The following TSPEAR variants were observed in gnomAD, a reference collection of about 807,000 sequenced individuals.
TSPEAR encodes thrombospondin type laminin G domain and EAR repeats.
TSPEAR carries 69 observed loss-of-function variants against 71.6 expected under a neutral mutation model. That is an observed-to-expected ratio of 0.96 (90% CI 0.79 to 1.18). The LOEUF (loss-of-function observed/expected upper bound fraction) is 1.18, where lower values mean the gene tolerates loss of function less well. TSPEAR is among the 50% of genes most tolerant of loss of function. TSPEAR has a pLI of 0.00. For missense variants in TSPEAR, 971 were observed against 894.9 expected (o/e 1.09, Z -1.09); for synonymous variants, 402 against 387.2 (o/e 1.04, Z -0.45).
At chr21:44,708,076 A>C (rs1418973464) in intron 1 of TSPEAR, among the ~76,000 whole-genome samples, 1 of 149,424 alleles carries the variant, frequency 6.7e-6, no homozygotes, top group Non-Finnish European at 1.5e-5. Flanking sequence ...GAGATATGAG[A>C]GAGAGCGAGC....
In TSPEAR at chr21:44,556,395, A is replaced by AC. The variant is rs201846123; in HGVS notation, c.303+11389_303+11390insG. Among the ~76,000 whole-genome samples the AC allele has an allele frequency of 7.9e-4, 119 of 151,204 alleles. 1 individual carries two copies. Among genetic ancestry groups the AC allele is most frequent in the African/African-American group, 2.5e-3 (104 of 41,198 alleles). ...CTCTCAAAAAAAAATAACAACAACAAAAAAAAAAACCAAAAGACCGGGTGC... is the reference window on the plus strand; with the variant it reads ...CTCTCAAAAAAAAATAACAACAACAACAAAAAAAAACCAAAAGACCGGGTGC... On this transcript the variant is annotated intron_variant, in intron 2 of 11. Coordinates refer to ENST00000323084, the MANE Select transcript of TSPEAR (RefSeq NM_144991.3).
intron 1 of TSPEAR, among the ~76,000 whole-genome samples, chr21:44,641,352 C>T (rs1258684232): frequency 6.6e-6 from 1 of 152,196 alleles, no homozygotes; most frequent in African/African-American, 2.4e-5. Context: ...GAAAGCATGA[C>T]ACTCTCAACA....
At chr21:44,646,348 C>T (rs587644554) in intron 1 of TSPEAR, 2 of 1,452,754 alleles carry the variant, frequency 1.4e-6, no homozygotes, top group Non-Finnish European at 1.9e-6. Flanking sequence ...ACAACACATG[C>T]CAGGGAGGGA....
intron 2 of TSPEAR, among the ~76,000 whole-genome samples, chr21:44,551,756 C>T (rs1323701518): frequency 1.3e-5 from 2 of 152,174 alleles, no homozygotes; most frequent in Admixed American, 6.5e-5. Flanking sequence ...CCCGGGAACA[C>T]CAGGAGGGAA....
At chr21:44,592,350 G>GCTA in intron 1 of TSPEAR, 1 of 1,321,828 alleles carries the variant, frequency 7.6e-7, no homozygotes, top group Non-Finnish European at 1.0e-6. Flanking sequence ...GGGCGCAGCA[G>GCTA]GGGGGCTCAC....
chr21:44,690,909 G>A (rs1987097021), intron 1 of TSPEAR, among the ~76,000 whole-genome samples: 1 of 152,122 alleles, frequency 6.6e-6, no homozygotes, highest in Non-Finnish European at 1.5e-5. Context: ...CACCATGCCA[G>A]GCTCTTTTCA....
intron 1 of TSPEAR, among the ~76,000 whole-genome samples, chr21:44,572,834 G>GACACACAC (rs71199612): frequency 8.3e-4 from 104 of 124,890 alleles, no homozygotes; most frequent in Middle Eastern, 3.9e-3. Context: ...GGGAGATTTG[G>GACACACAC]ACACACACAC....
At chr21:44,630,003 G>A (rs1437191571) in intron 1 of TSPEAR, among the ~76,000 whole-genome samples, 2 of 152,148 alleles carry the variant, frequency 1.3e-5, no homozygotes, top group East Asian at 3.9e-4. Context: ...ATCTTGCACA[G>A]GCTTCCTGAG....
intron 1 of TSPEAR, chr21:44,658,255 C>G: frequency 6.2e-7 from 1 of 1,613,586 alleles, no homozygotes; most frequent in South Asian, 1.1e-5. Flanking sequence ...CCTGCAGCAC[C>G]CCTTCCTGCT....
intron 1 of TSPEAR, among the ~76,000 whole-genome samples, chr21:44,689,163 C>T (rs1390649729): frequency 6.6e-6 from 1 of 152,166 alleles, no homozygotes; most frequent in Non-Finnish European, 1.5e-5. Flanking sequence ...GATAAACTAA[C>T]ATATCACTGC....
At chr21:44,597,389 G>A (rs1422749573) in intron 1 of TSPEAR, among the ~76,000 whole-genome samples, 2 of 147,672 alleles carry the variant, frequency 1.4e-5, no homozygotes, top group Non-Finnish European at 3.0e-5. Flanking sequence ...CTTCCATCTT[G>A]TTACTTTCAA....
At chr21:44,696,977 T>C (rs2838641) in intron 1 of TSPEAR, among the ~76,000 whole-genome samples, 1 of 151,658 alleles carries the variant, frequency 6.6e-6, no homozygotes, top group East Asian at 1.9e-4. Context: ...TATAAGCTCC[T>C]AGCACCCAGA....
At chr21:44,538,337 T>C (rs368203748) in intron 2 of TSPEAR, among the ~76,000 whole-genome samples, 17 of 151,444 alleles carry the variant, frequency 1.1e-4, no homozygotes, top group South Asian at 1.0e-3. Flanking sequence ...CTTAGAGAGA[T>C]GAGAGTGTCG....
intron 2 of TSPEAR, among the ~76,000 whole-genome samples, chr21:44,557,000 T>G (rs1422026348): frequency 6.6e-6 from 1 of 152,142 alleles, no homozygotes; most frequent in East Asian, 1.9e-4. Flanking sequence ...ACTGGTGAGA[T>G]AGCATGTACT....
Position 44,499,812 on chromosome 21 carries a change from A to G in TSPEAR, c.1981T>C (p.Ser661Pro). Residue 661 changes from serine to proline, a missense_variant, in exon 12 of 12, where the codon TCC (serine) becomes CCC (proline). By Grantham distance (74) the Ser-to-Pro change is moderately conservative. Coordinates refer to ENST00000323084, the MANE Select transcript of TSPEAR (RefSeq NM_144991.3). The part of the protein sequence containing the change: ...LIYSSAKEPL[S>P]RVLRLRTR ...CGTGTCCTCAGCCGCAGGACCCTGG[A>G]GAGGGGCTCCTTGGCGCTGGAGTAG... The G allele has an allele frequency of 6.3e-7, 1 of 1,578,560 alleles. No individual in the cohort carries two copies. Among genetic ancestry groups the G allele is most frequent in the Non-Finnish European group, 8.6e-7 (1 of 1,163,384 alleles).
chr21:44,573,460 G>C (rs1978292030), intron 1 of TSPEAR, among the ~76,000 whole-genome samples: 1 of 152,172 alleles, frequency 6.6e-6, no homozygotes, highest in African/African-American at 2.4e-5. Context: ...AAGCAGCACA[G>C]CCTGAACTGC....
chr21:44,690,499 T>C, intron 1 of TSPEAR: 3 of 958,934 alleles, frequency 3.1e-6, no homozygotes, highest in Non-Finnish European at 3.7e-6. Context: ...AAAAATCAGA[T>C]TAGCATCAGA....
chr21:44,593,826 G>A lies in TSPEAR; in HGVS notation c.83-25821C>T, dbSNP rs1020812933. On this transcript the variant is annotated intron_variant, in intron 1 of 11. Transcript: ENST00000323084. This position sits in a 1 kb window ranked among gnomAD's most constrained non-coding sequence, Gnocchi z 5.9. ...GTGGCTAAACACGCACTGGCCCCGC[G>A]ATGAGGATGAGCAAGGTTCAAACGA... Among the ~76,000 whole-genome samples, 1 of 152,148 alleles carries A rather than the reference G, an allele frequency of 6.6e-6. No homozygotes were observed. The highest frequency in any genetic ancestry group is 3.2e-3 in the Middle Eastern group (1 of 316).
intron 2 of TSPEAR, among the ~76,000 whole-genome samples, chr21:44,534,961 C>T (rs1050529994): frequency 6.6e-6 from 1 of 152,198 alleles, no homozygotes; most frequent in Admixed American, 6.5e-5. Flanking sequence ...GAAGGAAATG[C>T]TGACACATGC....
Sources: gnomAD v4.1 joint callset for allele counts (sites outside exome capture counted in the v4.1 genomes callset) on GRCh38, gnomAD v4.1.1 for gene constraint, Gnocchi (gnomAD v3.1) non-coding constraint, MANE v1.5 for transcripts, NCBI Gene and HGNC (gene_info 2026-07-23, HGNC 2026-07-21) for gene names.